Variants in SESTD1 observed in about 807,000 individuals in gnomAD.
SESTD1 encodes the protein SEC14 and spectrin domain containing 1.
In SESTD1, 43 loss-of-function variants were observed where a neutral mutation model predicts 101.7. The observed-to-expected ratio is 0.42, with a 90% CI of 0.33 to 0.55. The LOEUF (loss-of-function observed/expected upper bound fraction) is 0.55, where lower values mean the gene tolerates loss of function less well. Ranked by LOEUF, SESTD1 falls within the 20% of genes least tolerant of loss-of-function variation. The pLI is 0.07. For missense variants in SESTD1, 647 were observed against 815.1 expected, an observed-to-expected ratio of 0.79 and a Z score of 2.51; for synonymous variants, 283 against 286.8, an observed-to-expected ratio of 0.99 and a Z score of 0.13.
intron 5 of SESTD1, among the ~76,000 whole-genome samples, chr2:179,161,931 T>C (rs2045743794): frequency 2.0e-5 from 3 of 152,316 alleles, no homozygotes; most frequent in South Asian, 2.1e-4. Flanking sequence ...TTTTTTACCA[T>C]TATTTTTAGA....
intron 6 of SESTD1, among the ~76,000 whole-genome samples, chr2:179,150,985 C>T (rs942727286): frequency 6.6e-6 from 1 of 152,074 alleles, no homozygotes; most frequent in Non-Finnish European, 1.5e-5. Flanking sequence ...TTTCATTTTA[C>T]CCATAATCAC....
In SESTD1 at chr2:179,105,415, T is replaced by C. The variant is rs1372315795; in HGVS notation, c.*4484A>G. On this transcript the variant is annotated 3_prime_UTR_variant, in exon 18 of 18. Coordinates refer to ENST00000428443, the MANE Select transcript of SESTD1 (RefSeq NM_178123.5). ...CTACAAAAATAGCTAATTTGTCAGA[T>C]TTCAAAGCCTTGTTATTTACTGATG... 1 of 152,116 alleles carries C rather than the reference T, an allele frequency of 6.6e-6. No individual in the cohort carries two copies. The highest frequency in any genetic ancestry group is 2.4e-5 in the African/African-American group (1 of 41,430). 9.4% of individuals were successfully genotyped at this position (152,116 alleles called of 1,614,324 possible). A position where few individuals can be genotyped will look rare whatever the true frequency, so the allele number is the denominator to read the frequency against.
At chr2:179,110,362 G>A (rs920668014) in intron 17 of SESTD1, among the ~76,000 whole-genome samples, 3 of 152,094 alleles carry the variant, frequency 2.0e-5, no homozygotes, top group African/African-American at 7.2e-5. Context: ...ATTTATACAG[G>A]TACTTGAGTG....
chr2:179,108,738 AAT>A lies in SESTD1; in HGVS notation c.*1159_*1160del, dbSNP rs2044443527. 6.6e-6 allele frequency: 1 copy of A among 152,142 alleles called. No homozygotes were observed. Among genetic ancestry groups the A allele is most frequent in the East Asian group, 1.9e-4 (1 of 5,202 alleles). 9.4% of individuals were successfully genotyped at this position (152,142 alleles called of 1,614,324 possible). A position where few individuals can be genotyped will look rare whatever the true frequency, so the allele number is the denominator to read the frequency against. On this transcript the variant is annotated 3_prime_UTR_variant, in exon 18 of 18. Coordinates refer to ENST00000428443, the MANE Select transcript of SESTD1 (RefSeq NM_178123.5). The stretch of plus-strand genomic sequence containing the variant: ...ATTTTAAAAAATGTTCTGAAATAAA[AAT>A]ACATAAAATTTAAATTATATGCATT...
At chr2:179,140,011 C>T (rs1490058857) in intron 9 of SESTD1, among the ~76,000 whole-genome samples, 1 of 152,202 alleles carries the variant, frequency 6.6e-6, no homozygotes, top group African/African-American at 2.4e-5. Flanking sequence ...ACAGAAGGAG[C>T]TCTCGCTCTT....
chr2:179,198,178 G>C (rs1487894933), intron 1 of SESTD1, among the ~76,000 whole-genome samples: 1 of 152,136 alleles, frequency 6.6e-6, no homozygotes, highest in Admixed American at 6.5e-5. Flanking sequence ...TGACAAAACA[G>C]ACTTTAAACC....
chr2:179,178,660 T>C (rs1188912222), intron 3 of SESTD1, among the ~76,000 whole-genome samples: 2 of 151,572 alleles, frequency 1.3e-5, no homozygotes, highest in Admixed American at 1.3e-4. Flanking sequence ...CGGTCTGGAG[T>C]AGTGGCAACA....
At chr2:179,157,970 T>C (rs982604555) in intron 5 of SESTD1, among the ~76,000 whole-genome samples, 5 of 152,140 alleles carry the variant, frequency 3.3e-5, no homozygotes, top group African/African-American at 7.2e-5. Flanking sequence ...GCTTTTGTCA[T>C]AACAGCATAG....
At chr2:179,196,636 G>A (rs1321843010) in intron 1 of SESTD1, among the ~76,000 whole-genome samples, 1 of 152,218 alleles carries the variant, frequency 6.6e-6, no homozygotes, top group Non-Finnish European at 1.5e-5. Flanking sequence ...GCCTCCTCAA[G>A]TGGGTCCCTG....
rs114535519 is a variant in SESTD1, at chr2:179,247,178, T to C, written c.-26+17321A>G. 4.3e-3 allele frequency among the ~76,000 whole-genome samples: 652 copies of C among 152,128 alleles called. 1 individual carries two copies. The highest frequency in any genetic ancestry group is 0.014 in the African/African-American group (597 of 41,520). ...TAATTGTACATATTCACGTAGTACA[T>C]AGTAATGTTTTGATATATAATGCAT... On this transcript the variant is annotated intron_variant, in intron 1 of 17. Coordinates refer to ENST00000428443, the MANE Select transcript of SESTD1 (RefSeq NM_178123.5).
At chr2:179,155,048 G>A (rs867629529) in intron 5 of SESTD1, among the ~76,000 whole-genome samples, 27 of 152,106 alleles carry the variant, frequency 1.8e-4, no homozygotes, top group Middle Eastern at 6.8e-3. Context: ...CAAGTAGCTG[G>A]ACTACAGGGG....
At chr2:179,256,743 C>A (rs1005159232) in intron 1 of SESTD1, among the ~76,000 whole-genome samples, 4 of 144,978 alleles carry the variant, frequency 2.8e-5, no homozygotes, top group African/African-American at 1.0e-4. Context: ...ACCCGGGAGG[C>A]AGAGGTTGCA....
chr2:179,185,699 AT>A (rs1006998442), intron 2 of SESTD1, among the ~76,000 whole-genome samples: 24 of 125,176 alleles, frequency 1.9e-4, no homozygotes, highest in African/African-American at 8.1e-4. Context: ...AATATAGTAT[AT>A]TATATACAAT....
chr2:179,155,136 A>G lies in SESTD1; in HGVS notation c.370-3745T>C, dbSNP rs1305267372. ...TTACCATGTTGGCCAGGCTGGTCTC[A>G]CATTCCTGACCTCAAGTGATCCACC... On this transcript the variant is annotated intron_variant, in intron 5 of 17. Transcript: ENST00000428443. Among the ~76,000 whole-genome samples the G allele has an allele frequency of 6.6e-5, 10 of 151,704 alleles. No homozygotes were observed. The East Asian group carries it at 1.9e-3, about 29-fold the overall frequency.
intron 10 of SESTD1, among the ~76,000 whole-genome samples, chr2:179,131,563 T>C (rs182453721): frequency 9.8e-4 from 149 of 152,262 alleles, no homozygotes; most frequent in Non-Finnish European, 1.8e-3. Flanking sequence ...TTTAATCTAT[T>C]TTAAATTACC....
chr2:179,146,480 T>G, intron 7 of SESTD1, 23 bp from the exon 8 acceptor site: 1 of 1,597,904 alleles, frequency 6.3e-7, no homozygotes, highest in Non-Finnish European at 8.5e-7. Flanking sequence ...AAAGGAGTAA[T>G]TTTCAAAAGG....
At chr2:179,231,708 A>G (rs1376337926) in intron 1 of SESTD1, among the ~76,000 whole-genome samples, 1 of 148,850 alleles carries the variant, frequency 6.7e-6, no homozygotes, top group Non-Finnish European at 1.5e-5. Context: ...AACAGTATAG[A>G]CCAAAAAGCT....
rs562763149 is a variant in SESTD1 at position 179,214,406 on chromosome 2, G to A, written c.-25-22540C>T. On this transcript the variant is annotated intron_variant, in intron 1 of 17. Coordinates refer to ENST00000428443, the MANE Select transcript of SESTD1 (RefSeq NM_178123.5). ...AGAAGGCCACTACGTAATGGTAAAG[G>A]AATGGTAAAGCTCTTCTTCAACAAG... Among the ~76,000 whole-genome samples, 4 of 134,142 alleles carry A rather than the reference G, an allele frequency of 3.0e-5. 1 individual carries two copies. Among genetic ancestry groups the A allele is most frequent in the Non-Finnish European group, 6.4e-5 (4 of 62,476 alleles). 88.0% of individuals were successfully genotyped at this position (134,142 alleles called of 152,430 possible).
At chr2:179,160,641 T>C (rs971850466) in intron 5 of SESTD1, among the ~76,000 whole-genome samples, 2 of 152,072 alleles carry the variant, frequency 1.3e-5, no homozygotes, top group Non-Finnish European at 2.9e-5. Context: ...CCATTGCCTG[T>C]GAAGAAGATG....
Sources: allele counts gnomAD v4.1 joint callset (sites outside exome capture counted in the v4.1 genomes callset), GRCh38; gene constraint gnomAD v4.1.1; transcripts MANE v1.5; gene names NCBI Gene and HGNC (gene_info 2026-07-23, HGNC 2026-07-21).